PACRG: variants seen among roughly 807,000 people sequenced by gnomAD.
PACRG encodes parkin coregulated gene protein.
A neutral mutation model predicts 29.7 loss-of-function variants in PACRG; 29 were observed. The ratio of observed to expected loss-of-function variants is 0.98; its 90% confidence interval spans 0.73 to 1.33. The LOEUF is 1.33. Among genes scored for constraint, PACRG ranks in the 40% most tolerant of loss-of-function variants. The probability of loss-of-function intolerance (pLI) is 0.00; values close to 1 mark genes in which losing one functional copy is unlikely to be tolerated. For missense variants in PACRG, 279 were observed against 316.2 expected, an observed-to-expected ratio of 0.88 and a Z score of 0.89; for synonymous variants, 116 against 118.7, an observed-to-expected ratio of 0.98 and a Z score of 0.15.
chr6:163,168,546 C>T (rs546950676), intron 4 of PACRG, among the ~76,000 whole-genome samples: 115 of 87,532 alleles, frequency 1.3e-3, no homozygotes, highest in African/African-American at 5.8e-3. Context: ...TGCTTTAACT[C>T]CTATTCTAAT....
chr6:163,020,626 G>A (rs531872122), intron 2 of PACRG, among the ~76,000 whole-genome samples: 16 of 152,102 alleles, frequency 1.1e-4, no homozygotes, highest in East Asian at 1.9e-4. Flanking sequence ...TCCCTGCGAC[G>A]ACACACAGCA....
chr6:162,740,476 A>AATTTTTTGTATTTTTTGTATTTTTAGT (rs1336668655), intron 1 of PACRG, among the ~76,000 whole-genome samples: 3 of 151,754 alleles, frequency 2.0e-5, no homozygotes, highest in Non-Finnish European at 2.9e-5. Flanking sequence ...ACCCCCAGCT[A>AATTTTTTGTATTTTTTGTATTTTTAGT]ATTTTTTGTA....
At chr6:162,886,870 G>A (rs755129784) in intron 2 of PACRG, among the ~76,000 whole-genome samples, 2 of 152,058 alleles carry the variant, frequency 1.3e-5, no homozygotes, top group Non-Finnish European at 2.9e-5. Flanking sequence ...GAAAAGAGAC[G>A]TTATCCATAC....
At chr6:163,077,583 A>G (rs1585158863) in intron 3 of PACRG, among the ~76,000 whole-genome samples, 1 of 152,244 alleles carries the variant, frequency 6.6e-6, no homozygotes, top group East Asian at 1.9e-4. Flanking sequence ...AGAAGCAAGT[A>G]CAATTGAAAT....
At chr6:162,774,759 A>G (rs889529356) in intron 1 of PACRG, among the ~76,000 whole-genome samples, 3 of 152,126 alleles carry the variant, frequency 2.0e-5, no homozygotes, top group Non-Finnish European at 4.4e-5. Flanking sequence ...CTGATTAGTT[A>G]GTGGGAATTA....
At chr6:162,932,051 C>T (rs528726441) in intron 2 of PACRG, among the ~76,000 whole-genome samples, 40 of 152,080 alleles carry the variant, frequency 2.6e-4, no homozygotes, top group Non-Finnish European at 5.6e-4. Context: ...ATGATGTACG[C>T]ATACTACAGA....
At chr6:163,221,307 T>C (rs763955807) in intron 4 of PACRG, among the ~76,000 whole-genome samples, 3 of 152,014 alleles carry the variant, frequency 2.0e-5, no homozygotes, top group Non-Finnish European at 4.4e-5. Context: ...GTCCTTAGAG[T>C]CTGAATCTGG....
At chr6:162,754,607 T>C (rs547639759) in intron 1 of PACRG, among the ~76,000 whole-genome samples, 20 of 152,216 alleles carry the variant, frequency 1.3e-4, no homozygotes, top group South Asian at 2.1e-4. Context: ...TCAGGTCTTA[T>C]AGTTAAGTTT....
intron 1 of PACRG, among the ~76,000 whole-genome samples, chr6:162,802,257 T>A (rs1785940354): frequency 6.6e-6 from 1 of 152,224 alleles, no homozygotes; most frequent in Non-Finnish European, 1.5e-5. Context: ...GTAGTCAATA[T>A]ATTTTTAATG....
intron 3 of PACRG, among the ~76,000 whole-genome samples, chr6:163,088,995 C>T (rs1376811488): frequency 6.6e-6 from 1 of 152,166 alleles, no homozygotes; most frequent in Non-Finnish European, 1.5e-5. Context: ...GCCCCGGCCT[C>T]TTCTACGAGG....
intron 2 of PACRG, among the ~76,000 whole-genome samples, chr6:162,949,277 C>T (rs1321517261): frequency 6.6e-6 from 1 of 151,990 alleles, no homozygotes; most frequent in Non-Finnish European, 1.5e-5. Context: ...GCATGTTCTC[C>T]CTCATATGTG....
intron 2 of PACRG, among the ~76,000 whole-genome samples, chr6:162,987,488 T>C: frequency 6.6e-6 from 1 of 152,154 alleles, no homozygotes; most frequent in East Asian, 1.9e-4. Context: ...GGTGGGTTTT[T>C]CCCATGCTGT....
At chr6:162,842,027 A>G (rs1171362834) in intron 2 of PACRG, among the ~76,000 whole-genome samples, 4 of 150,674 alleles carry the variant, frequency 2.7e-5, no homozygotes, top group Admixed American at 6.6e-5. Flanking sequence ...TATGTGGTCA[A>G]TTTTAGAATA....
intron 1 of PACRG, among the ~76,000 whole-genome samples, chr6:162,793,076 A>AG (rs1328353450): frequency 6.6e-6 from 1 of 152,090 alleles, no homozygotes; most frequent in Non-Finnish European, 1.5e-5. Context: ...CTGGCACGAG[A>AG]GCTCCCTTAA....
chr6:162,957,331 G>A (rs1270094701), intron 2 of PACRG: 3 of 595,704 alleles, frequency 5.0e-6, no homozygotes, highest in Admixed American at 4.4e-5. Flanking sequence ...AACACATTTA[G>A]CACTCATGGA....
intron 4 of PACRG, among the ~76,000 whole-genome samples, chr6:163,219,600 C>A (rs771703581): frequency 1.3e-5 from 2 of 152,120 alleles, no homozygotes; most frequent in Non-Finnish European, 2.9e-5. Flanking sequence ...CTCCCCACTG[C>A]GGCCTGCAGT....
chr6:162,916,067 T>C (rs568565169), intron 2 of PACRG, among the ~76,000 whole-genome samples: 1 of 152,264 alleles, frequency 6.6e-6, no homozygotes, highest in South Asian at 2.1e-4. Flanking sequence ...GCATTTCTGG[T>C]AGAGCAGGTA....
intron 4 of PACRG, among the ~76,000 whole-genome samples, chr6:163,223,195 A>C (rs1230157531): frequency 1.3e-5 from 2 of 152,150 alleles, no homozygotes; most frequent in Non-Finnish European, 2.9e-5. Context: ...GGAGTTCAAG[A>C]CCAGCTTGGC....
intron 2 of PACRG, among the ~76,000 whole-genome samples, chr6:162,849,232 GC>G (rs1790662324): frequency 6.6e-6 from 1 of 152,194 alleles, no homozygotes; most frequent in African/African-American, 2.4e-5. Flanking sequence ...CAGTCGTTAA[GC>G]TTTAATTAAT....
Sources: gnomAD v4.1 joint callset for allele counts (sites outside exome capture counted in the v4.1 genomes callset) on GRCh38, gnomAD v4.1.1 for gene constraint, MANE v1.5 for transcripts, NCBI Gene and HGNC (gene_info 2026-07-23, HGNC 2026-07-21) for gene names.